The following IL5RA variants were observed in gnomAD, a reference collection of about 807,000 sequenced individuals.
IL5RA encodes interleukin 5 receptor subunit alpha.
A neutral mutation model predicts 50.0 loss-of-function variants in IL5RA; 49 were observed. That is an observed-to-expected ratio of 0.98 (90% CI 0.78 to 1.24). The LOEUF (loss-of-function observed/expected upper bound fraction) is 1.24, where lower values mean the gene tolerates loss of function less well. Ranked by LOEUF, IL5RA falls within the 50% of genes most tolerant of loss-of-function variation. The pLI, the probability that IL5RA is intolerant of heterozygous loss-of-function variation, is 0.00. For synonymous variants in IL5RA, 202 were observed against 174.0 expected (o/e 1.16, Z -1.26); for missense variants, 600 against 500.4 (o/e 1.20, Z -1.90).
At position 3,068,996 on chromosome 3, in the gene IL5RA, G is replaced by T. The variant is rs1189746956; in HGVS notation, c.*1229C>A. 1 of 152,194 alleles carries T rather than the reference G, an allele frequency of 6.6e-6. No homozygotes were observed. The highest frequency in any genetic ancestry group is 1.5e-5 in the Non-Finnish European group (1 of 68,044). The allele number at this position is 152,194 out of a possible 1,614,324, so 9.4% of individuals were successfully genotyped here. Reference sequence around the variant, plus strand: ...AAACAAACAAACCTGGAAATATATGGTAGTCAGTGTGTCCCCACCGATGGA... The same window carrying T: ...AAACAAACAAACCTGGAAATATATGTTAGTCAGTGTGTCCCCACCGATGGA... On this transcript the variant is annotated 3_prime_UTR_variant, in exon 12 of 12. Coordinates refer to ENST00000446632, the MANE Select transcript of IL5RA (RefSeq NM_175726.4).
chr3:3,092,393 C>T lies in IL5RA; in HGVS notation c.856-31G>A, dbSNP rs757935482. The T allele has an allele frequency of 2.5e-6, 4 of 1,602,230 alleles. No individual in the cohort carries two copies. In the Admixed American group the frequency reaches 6.7e-5, roughly 27 times the overall value. On this transcript the variant is annotated intron_variant, in intron 8 of 11. Transcript: ENST00000446632. The surrounding 1 kb of genome is among the most constrained non-coding windows in gnomAD (Gnocchi z 4.2). ...TGGGGAAAGATAGCATTAGAAGAAT[C>T]TCTAGACACCTAATTTAGTTCTGCC...
In IL5RA at chr3:3,092,365, A is replaced by T; in HGVS notation, c.856-3T>A. The T allele has an allele frequency of 6.2e-7, 1 of 1,612,236 alleles. No homozygotes were observed. The highest frequency in any genetic ancestry group is 1.1e-5 in the South Asian group (1 of 91,036). ...GCATTGGTCATCAATTTTTCTATCT[A>T]AGTGGGGAAAGATAGCATTAGAAGA... On this transcript the variant is annotated splice_polypyrimidine_tract_variant and splice_region_variant and intron_variant, in intron 8 of 11. Coordinates refer to ENST00000446632, the MANE Select transcript of IL5RA (RefSeq NM_175726.4). This position sits in a 1 kb window ranked among gnomAD's most constrained non-coding sequence, Gnocchi z 4.2.
At chr3:3,077,750 A>G (rs1702537035) in intron 9 of IL5RA, among the ~76,000 whole-genome samples, 1 of 152,178 alleles carries the variant, frequency 6.6e-6, no homozygotes, top group South Asian at 2.1e-4. Context: ...TCTGGGGGAC[A>G]GAATGAGACT....
At chr3:3,071,380 T>C (rs1702291266) in intron 11 of IL5RA, among the ~76,000 whole-genome samples, 1 of 152,168 alleles carries the variant, frequency 6.6e-6, no homozygotes, top group African/African-American at 2.4e-5. Flanking sequence ...TCCCAACACT[T>C]TGGGAGGCTG....
At chr3:3,090,078 T>C (rs1703024496) in intron 9 of IL5RA, 5 of 835,596 alleles carry the variant, frequency 6.0e-6, no homozygotes, top group African/African-American at 5.2e-5. Context: ...GTTAAGCCAA[T>C]TACCTAAACT....
At chr3:3,109,632 C>G (rs201227929) in intron 1 of IL5RA, among the ~76,000 whole-genome samples, 1 of 152,146 alleles carries the variant, frequency 6.6e-6, no homozygotes, top group East Asian at 1.9e-4. Flanking sequence ...TGAGCCAAAA[C>G]ACAAGAATAG....
Position 3,069,630 on chromosome 3 carries a change from T to TTTTCTCTC in IL5RA, c.*594_*595insGAGAGAAA, listed in dbSNP as rs1702229448. The TTTTCTCTC allele has an allele frequency of 6.8e-6, 1 of 147,000 alleles. No homozygotes were observed. The highest frequency in any genetic ancestry group is 2.5e-5 in the African/African-American group (1 of 39,230). 9.1% of individuals were successfully genotyped at this position (147,000 alleles called of 1,614,324 possible). ...TCAGGCCTCTGGAGCTTGAGATAAT[T>TTTTCTCTC]TCTCTCTCTCTCTCTCTCTCTCTCT... On this transcript the variant is annotated 3_prime_UTR_variant, in exon 12 of 12. Coordinates refer to ENST00000446632, the MANE Select transcript of IL5RA (RefSeq NM_175726.4).
At chr3:3,074,240 T>C (rs1702400944) in intron 11 of IL5RA, among the ~76,000 whole-genome samples, 1 of 152,200 alleles carries the variant, frequency 6.6e-6, no homozygotes, top group South Asian at 2.1e-4. Context: ...TTAACTAAGA[T>C]ATTCATGTGG....
chr3:3,074,737 C>T (rs747754751), intron 11 of IL5RA, 45 bp downstream of exon 11: 2 of 1,162,876 alleles, frequency 1.7e-6, no homozygotes, highest in South Asian at 2.6e-5. Flanking sequence ...CCAGGGGACT[C>T]AACCCTGGAC....
At position 3,070,156 on chromosome 3, in the gene IL5RA, A is replaced by G. The variant is rs1040314424; in HGVS notation, c.*69T>C. On this transcript the variant is annotated 3_prime_UTR_variant, in exon 12 of 12. Transcript: ENST00000446632. ...TCTGAACACCTCTTAGCCAAGAGCC[A>G]GCATCCCTGTTCTTTTCACTGAGGC... 5.1e-5 allele frequency: 51 copies of G among 999,344 alleles called. No individual in the cohort carries two copies. Among genetic ancestry groups the G allele is most frequent in the Non-Finnish European group, 7.8e-5 (50 of 640,668 alleles). The allele number at this position is 999,344 out of a possible 1,614,324, so 61.9% of individuals were successfully genotyped here.
chr3:3,077,153 C>T (rs1389934662), intron 9 of IL5RA, among the ~76,000 whole-genome samples: 1 of 152,170 alleles, frequency 6.6e-6, no homozygotes, highest in Non-Finnish European at 1.5e-5. Context: ...ATCTTCAAAG[C>T]ACCCCTTACC....
intron 9 of IL5RA, among the ~76,000 whole-genome samples, chr3:3,077,882 C>G (rs987821855): frequency 6.6e-6 from 1 of 152,212 alleles, no homozygotes; most frequent in African/African-American, 2.4e-5. Context: ...AATCCTGTGT[C>G]ATCTCCCTGA....
intron 11 of IL5RA, among the ~76,000 whole-genome samples, chr3:3,071,612 C>G (rs1364555742): frequency 1.7e-5 from 2 of 118,264 alleles, no homozygotes; most frequent in African/African-American, 6.9e-5. Context: ...TTTTTTTTGG[C>G]AAGTTCTGGC....
chr3:3,088,389 T>C (rs1214309823), intron 9 of IL5RA, among the ~76,000 whole-genome samples: 1 of 152,160 alleles, frequency 6.6e-6, no homozygotes, highest in Non-Finnish European at 1.5e-5. Context: ...GTCATGCTCG[T>C]CACCACTCTG....
chr3:3,078,466 A>G (rs1018513108), intron 9 of IL5RA, among the ~76,000 whole-genome samples: 5 of 152,200 alleles, frequency 3.3e-5, no homozygotes, highest in Non-Finnish European at 7.3e-5. Context: ...TTCATCTTGA[A>G]TAAGCCATGA....
chr3:3,082,230 T>C (rs1371991327), intron 9 of IL5RA, among the ~76,000 whole-genome samples: 1 of 152,182 alleles, frequency 6.6e-6, no homozygotes, highest in Non-Finnish European at 1.5e-5. Context: ...TCCCGTAGTA[T>C]AGTCTTAATT....
At position 3,069,582 on chromosome 3, in the gene IL5RA, G is replaced by T. The variant is rs1702227642; in HGVS notation, c.*643C>A. 2 of 150,696 alleles carry T rather than the reference G, an allele frequency of 1.3e-5. No homozygotes were observed. The highest frequency in any genetic ancestry group is 2.1e-4 in the South Asian group (1 of 4,776). 9.3% of individuals were successfully genotyped at this position (150,696 alleles called of 1,614,324 possible). On this transcript the variant is annotated 3_prime_UTR_variant, in exon 12 of 12. Transcript: ENST00000446632. ...GCTCTATTATGCTTTTAAATTAGTT[G>T]GTTTCAAATGATGTATCCTGGATCA...
rs1376824077 is a variant in IL5RA at position 3,092,533 on chromosome 3, G to A, written c.856-171C>T. The stretch of plus-strand genomic sequence containing the variant: ...ATGCTAGGTGCGTTAGTGTGGATGT[G>A]TTGGCAGTCACCCTTCAGTGGAACG... On this transcript the variant is annotated intron_variant, in intron 8 of 11. Coordinates refer to ENST00000446632, the MANE Select transcript of IL5RA (RefSeq NM_175726.4). The surrounding 1 kb of genome is among the most constrained non-coding windows in gnomAD (Gnocchi z 4.2). 2.0e-5 allele frequency among the ~76,000 whole-genome samples: 3 copies of A among 152,198 alleles called. No homozygotes were observed. The highest frequency in any genetic ancestry group is 4.4e-5 in the Non-Finnish European group (3 of 68,036).
At chr3:3,101,949 G>A in intron 4 of IL5RA, 119 bp from the exon 5 acceptor site, 1 of 931,204 alleles carries the variant, frequency 1.1e-6, no homozygotes, top group Non-Finnish European at 1.6e-6. Context: ...CAATGAAATA[G>A]TTTTGCTAGA....
Sources: gnomAD v4.1 joint callset for allele counts (sites outside exome capture counted in the v4.1 genomes callset) on GRCh38, gnomAD v4.1.1 for gene constraint, Gnocchi (gnomAD v3.1) non-coding constraint, MANE v1.5 for transcripts, NCBI Gene and HGNC (gene_info 2026-07-23, HGNC 2026-07-21) for gene names.